The following FOXP2 variants were observed in gnomAD, a reference collection of about 807,000 sequenced individuals.
The protein encoded by FOXP2 is forkhead box P2.
In FOXP2, 12 loss-of-function variants were observed where a neutral mutation model predicts 115.8. The ratio of observed to expected loss-of-function variants is 0.10; its 90% CI spans 0.07 to 0.17. The LOEUF (loss-of-function observed/expected upper bound fraction) is 0.17. Ranked by LOEUF, FOXP2 falls within the 10% of genes least tolerant of loss-of-function variation. The pLI is 1.00. For synonymous variants in FOXP2, 328 were observed against 297.7 expected, an observed-to-expected ratio of 1.10 and a Z score of -1.05; for missense variants, 629 against 843.5, an observed-to-expected ratio of 0.75 and a Z score of 3.15.
At chr7:114,243,754 A>T (rs988429912) in intron 1 of FOXP2, among the ~76,000 whole-genome samples, 2 of 151,878 alleles carry the variant, frequency 1.3e-5, no homozygotes, top group Admixed American at 6.6e-5. Flanking sequence ...TGGGTATGTG[A>T]GAGAGAGAGG....
At chr7:114,441,843 A>C (rs554373164) in intron 2 of FOXP2, among the ~76,000 whole-genome samples, 1 of 152,312 alleles carries the variant, frequency 6.6e-6, no homozygotes, top group Admixed American at 6.5e-5. Flanking sequence ...GCTACAGTAA[A>C]AAAAGACAGG....
chr7:114,241,462 T>G (rs1795150145), intron 1 of FOXP2, among the ~76,000 whole-genome samples: 1 of 152,114 alleles, frequency 6.6e-6, no homozygotes, highest in Non-Finnish European at 1.5e-5. Context: ...CACAAATCTA[T>G]GAAATTATGT....
chr7:114,273,518 G>T (rs1796115865), intron 1 of FOXP2, among the ~76,000 whole-genome samples: 1 of 151,990 alleles, frequency 6.6e-6, no homozygotes, highest in Admixed American at 6.6e-5. Flanking sequence ...CTGCCTGATA[G>T]ATCTGCCCAT....
chr7:114,099,680 G>A (rs546946893), intron 1 of FOXP2, among the ~76,000 whole-genome samples: 3 of 152,216 alleles, frequency 2.0e-5, no homozygotes, highest in South Asian at 4.2e-4. Context: ...TGGTTTCTGC[G>A]GAGCATTGGT....
intron 1 of FOXP2, among the ~76,000 whole-genome samples, chr7:114,096,195 A>G (rs947732552): frequency 2.0e-5 from 3 of 152,224 alleles, no homozygotes; most frequent in African/African-American, 4.8e-5. Flanking sequence ...AGCCGGGGAT[A>G]ATAATTATGG....
At chr7:114,676,395 A>G (rs1020184807) in intron 16 of FOXP2, among the ~76,000 whole-genome samples, 5 of 152,160 alleles carry the variant, frequency 3.3e-5, no homozygotes, top group African/African-American at 7.2e-5. Flanking sequence ...GTATTTCAGT[A>G]TATTTAATAT....
intron 2 of FOXP2, among the ~76,000 whole-genome samples, chr7:114,292,816 A>T (rs893233463): frequency 6.6e-6 from 1 of 152,180 alleles, no homozygotes; most frequent in African/African-American, 2.4e-5. Flanking sequence ...GTTGCATATA[A>T]TAGTATCTTT....
intron 1 of FOXP2, among the ~76,000 whole-genome samples, chr7:114,193,726 G>C (rs1793825482): frequency 6.6e-6 from 1 of 151,998 alleles, no homozygotes; most frequent in Non-Finnish European, 1.5e-5. Flanking sequence ...CCATTGTTGA[G>C]AACCATTGTG....
intron 2 of FOXP2, among the ~76,000 whole-genome samples, chr7:114,332,777 A>G (rs1222167375): frequency 6.6e-6 from 1 of 152,168 alleles, no homozygotes; most frequent in African/African-American, 2.4e-5. Flanking sequence ...TTTGTTAAAC[A>G]TCAATCAGGA....
intron 1 of FOXP2, among the ~76,000 whole-genome samples, chr7:114,119,290 C>G (rs1006744169): frequency 3.9e-5 from 6 of 152,090 alleles, no homozygotes; most frequent in African/African-American, 1.2e-4. Flanking sequence ...AAACGGGCAG[C>G]TGGAATTACC....
At chr7:114,469,679 A>ACC (rs1795962739) in intron 2 of FOXP2, among the ~76,000 whole-genome samples, 1 of 152,168 alleles carries the variant, frequency 6.6e-6, no homozygotes, top group Non-Finnish European at 1.5e-5. Context: ...AGATTATAGA[A>ACC]AGTGTGTAAC....
intron 2 of FOXP2, among the ~76,000 whole-genome samples, chr7:114,430,321 A>C (rs1794049052): frequency 6.6e-6 from 1 of 151,784 alleles, no homozygotes; most frequent in Non-Finnish European, 1.5e-5. Context: ...ACCAAGAATG[A>C]AAATATGTAT....
intron 16 of FOXP2, among the ~76,000 whole-genome samples, chr7:114,670,172 T>A (rs921880000): frequency 3.3e-5 from 5 of 152,162 alleles, no homozygotes; most frequent in African/African-American, 1.2e-4. Flanking sequence ...TGTAGGTGAT[T>A]ATTATTTTCT....
At chr7:114,493,442 T>A (rs1311400748) in intron 2 of FOXP2, among the ~76,000 whole-genome samples, 1 of 152,086 alleles carries the variant, frequency 6.6e-6, no homozygotes, top group Non-Finnish European at 1.5e-5. Flanking sequence ...TCAATATGGG[T>A]TCAGAATTTA....
chr7:114,583,246 G>T (rs1801959432), intron 3 of FOXP2, among the ~76,000 whole-genome samples: 1 of 152,032 alleles, frequency 6.6e-6, no homozygotes, highest in South Asian at 2.1e-4. Flanking sequence ...GGTCATGGTG[G>T]TGCACACCTG....
intron 1 of FOXP2, among the ~76,000 whole-genome samples, chr7:114,272,031 A>C (rs1179611486): frequency 7.2e-6 from 1 of 139,680 alleles, no homozygotes; most frequent in Non-Finnish European, 1.5e-5. Flanking sequence ...AATAAATAAT[A>C]ATATAATATA....
intron 2 of FOXP2, among the ~76,000 whole-genome samples, chr7:114,396,325 A>C (rs764021860): frequency 2.0e-5 from 3 of 152,048 alleles, no homozygotes; most frequent in Non-Finnish European, 4.4e-5. Context: ...AGTTCCATCC[A>C]TGTTGTTGCA....
At chr7:114,214,516 T>C (rs1563008433) in intron 1 of FOXP2, among the ~76,000 whole-genome samples, 1 of 152,186 alleles carries the variant, frequency 6.6e-6, no homozygotes, top group Non-Finnish European at 1.5e-5. Context: ...TCATCTTATA[T>C]CCTTTTTACC....
At chr7:114,231,672 C>T (rs1794877771) in intron 1 of FOXP2, among the ~76,000 whole-genome samples, 2 of 152,016 alleles carry the variant, frequency 1.3e-5, no homozygotes. Context: ...TATCCACATG[C>T]CGAATAATGA....
Sources: gnomAD v4.1 joint callset for allele counts (sites outside exome capture counted in the v4.1 genomes callset) on GRCh38, gnomAD v4.1.1 for gene constraint, MANE v1.5 for transcripts, NCBI Gene and HGNC (gene_info 2026-07-23, HGNC 2026-07-21) for gene names.